RSF1: variants seen among roughly 807,000 people sequenced by gnomAD.
The protein encoded by RSF1 is remodeling and spacing factor 1, also known as HBV pX-associated protein 8.
A neutral mutation model predicts 145.2 loss-of-function variants in RSF1; 13 were observed. The ratio of observed to expected loss-of-function variants is 0.09; its 90% CI spans 0.06 to 0.14. The LOEUF is 0.14. Among genes scored for constraint, RSF1 ranks in the 10% least tolerant of loss-of-function variants. The pLI, the probability that RSF1 is intolerant of heterozygous loss-of-function variation, is 1.00. For missense variants in RSF1, 1,517 were observed against 1,718.2 expected (o/e 0.88, Z 2.07); for synonymous variants, 577 against 592.6 (o/e 0.97, Z 0.38).
chr11:77,732,339 AGTCTC>A lies in RSF1; in HGVS notation c.579-6645_579-6641del, dbSNP rs1334301010. On this transcript the variant is annotated intron_variant, in intron 4 of 15. Coordinates refer to ENST00000308488, the MANE Select transcript of RSF1 (RefSeq NM_016578.4). Reference sequence around the variant, plus strand: ...GCAATTAACTTGCTTTTGATTTTACAGTCTCACAGGAAGAAGGGACTTGCCTTGTC... The same window carrying A: ...GCAATTAACTTGCTTTTGATTTTACAACAGGAAGAAGGGACTTGCCTTGTC... Among the ~76,000 whole-genome samples the A allele has an allele frequency of 2.2e-4, 33 of 152,322 alleles. No homozygotes were observed. The South Asian group carries it at 5.2e-3, about 24-fold the overall frequency.
At chr11:77,740,634 A>G in intron 4 of RSF1, 97 bp downstream of exon 4, 1 of 1,181,712 alleles carries the variant, frequency 8.5e-7, no homozygotes, top group Admixed American at 1.9e-5. Flanking sequence ...TCACACACAA[A>G]AAACCACTTC....
At position 77,699,530 on chromosome 11, in the gene RSF1, A is replaced by C. The variant is rs1253591675; in HGVS notation, c.2509-837T>G. Among the ~76,000 whole-genome samples, 5 of 152,354 alleles carry C rather than the reference A, an allele frequency of 3.3e-5. No homozygotes were observed. The South Asian group carries it at 1.0e-3, about 32-fold the overall frequency. ...AAAAGTAGCACTTTTGATTATGATA[A>C]ATTCCCATAGACTAGCAAAAGACTT... On this transcript the variant is annotated intron_variant, in intron 6 of 15. Coordinates refer to ENST00000308488, the MANE Select transcript of RSF1 (RefSeq NM_016578.4).
intron 1 of RSF1, among the ~76,000 whole-genome samples, chr11:77,767,923 C>T (rs1394754990): frequency 6.6e-6 from 1 of 152,086 alleles, no homozygotes; most frequent in East Asian, 1.9e-4. Flanking sequence ...GTTTTCATCC[C>T]ACTTTACAAA....
the RSF1 span, among the ~76,000 whole-genome samples, chr11:77,843,263 C>A: frequency 6.6e-6 from 1 of 152,140 alleles, no homozygotes; most frequent in Admixed American, 6.5e-5. Flanking sequence ...ATTTGCATTT[C>A]CCTGCATTTC....
chr11:77,775,454 C>A (rs78937933), intron 1 of RSF1, among the ~76,000 whole-genome samples: 3 of 152,248 alleles, frequency 2.0e-5, no homozygotes, highest in East Asian at 3.9e-4. Context: ...GTCTTTTCCC[C>A]GCTTTTCTCT....
At chr11:77,776,109 G>C (rs1948339365) in intron 1 of RSF1, among the ~76,000 whole-genome samples, 1 of 152,040 alleles carries the variant, frequency 6.6e-6, no homozygotes, top group African/African-American at 2.4e-5. Context: ...TAGCTACTTG[G>C]GTTGCTGAGG....
chr11:77,812,935 C>T (rs1365429613), intron 1 of RSF1, among the ~76,000 whole-genome samples: 1 of 150,936 alleles, frequency 6.6e-6, no homozygotes, highest in Non-Finnish European at 1.5e-5. Context: ...GCTTGCTGTG[C>T]CCTCACAACT....
At chr11:77,826,449 A>G in the RSF1 span, among the ~76,000 whole-genome samples, 8 of 152,186 alleles carry the variant, frequency 5.3e-5, no homozygotes, top group African/African-American at 1.9e-4. Flanking sequence ...ATTATTAAAT[A>G]ATTCAGAACA....
chr11:77,716,214 C>A (rs550926698), intron 5 of RSF1, among the ~76,000 whole-genome samples: 2 of 151,758 alleles, frequency 1.3e-5, no homozygotes, highest in African/African-American at 2.4e-5. Flanking sequence ...ACAGTATGGA[C>A]GTTCCTCAAA....
At chr11:77,844,133 C>T in the RSF1 span, among the ~76,000 whole-genome samples, 2 of 152,068 alleles carry the variant, frequency 1.3e-5, no homozygotes, top group Admixed American at 6.6e-5. Flanking sequence ...TTGCAGACAG[C>T]CAACTTCTCT....
Position 77,725,559 on chromosome 11 carries a change from T to C in RSF1, c.719A>G (p.Glu240Gly). 6.4e-7 allele frequency: 1 copy of C among 1,568,420 alleles called. No individual in the cohort carries two copies. Among genetic ancestry groups the C allele is most frequent in the Non-Finnish European group, 8.6e-7 (1 of 1,157,314 alleles). The change falls in exon 5 of 16, where the codon GAA becomes GGA. Residue 240 changes from glutamate to glycine, a missense_variant. Physicochemically the swap from Glu to Gly is moderately conservative, Grantham distance 98. This residue lies in a region of RSF1 where 207 missense variants were observed against 191.4 expected (regional missense o/e 1.08). Transcript: ENST00000308488. ...CAAAAAAAAACCTTGTTTAGGTGTT[T>C]CTTCCTCTTTTTTAGTCTCCTCATC... ...LEDEETKKEE[E>G]TPKQEEQKES...
At chr11:77,697,519 TATATATA>T (rs1207388675) in intron 7 of RSF1, among the ~76,000 whole-genome samples, 2 of 43,204 alleles carry the variant, frequency 4.6e-5, no homozygotes, top group Non-Finnish European at 4.1e-5. Flanking sequence ...AAAATATATT[TATATATA>T]ATATATAATA....
intron 14 of RSF1, among the ~76,000 whole-genome samples, 200 bp downstream of exon 14, chr11:77,674,836 C>A (rs1031061775): frequency 6.6e-6 from 1 of 152,070 alleles, no homozygotes; most frequent in Non-Finnish European, 1.5e-5. Flanking sequence ...TCCCTCTCTA[C>A]TAAAAATACA....
intron 4 of RSF1, chr11:77,734,669 T>C (rs1961294975): frequency 3.5e-6 from 5 of 1,412,372 alleles, no homozygotes; most frequent in Non-Finnish European, 5.0e-6. Flanking sequence ...GTGGCCAATT[T>C]GTGCAGTTCC....
At chr11:77,869,580 G>C in the RSF1 span, 1 of 730,440 alleles carries the variant, frequency 1.4e-6, no homozygotes, top group Non-Finnish European at 2.3e-6. Flanking sequence ...GCCTTCCTAA[G>C]TGCCTTAAAG....
intron 1 of RSF1, among the ~76,000 whole-genome samples, chr11:77,818,369 TA>T (rs1297240910): frequency 1.3e-5 from 2 of 152,204 alleles, no homozygotes; most frequent in Non-Finnish European, 2.9e-5. Context: ...AACAATTTAC[TA>T]GCCATCCTTT....
At chr11:77,704,831 C>T (rs760874874) in intron 5 of RSF1, among the ~76,000 whole-genome samples, 2 of 150,790 alleles carry the variant, frequency 1.3e-5, no homozygotes, top group Non-Finnish European at 1.5e-5. Context: ...CAGCTCACCA[C>T]AACCTCCGTC....
At chr11:77,678,185 T>G in intron 11 of RSF1, 32 bp from the exon 12 acceptor site, 65 of 1,024,674 alleles carry the variant, frequency 6.3e-5, no homozygotes, top group Non-Finnish European at 8.3e-5. Context: ...CATTATAGCC[T>G]GTCCTGGCTT....
intron 5 of RSF1, among the ~76,000 whole-genome samples, chr11:77,722,154 C>T (rs1021764927): frequency 1.3e-5 from 2 of 152,004 alleles, no homozygotes; most frequent in African/African-American, 2.4e-5. Context: ...CACTCCAGCC[C>T]GGGTGACAGA....
Sources: allele counts gnomAD v4.1 joint callset (sites outside exome capture counted in the v4.1 genomes callset), GRCh38; gene constraint gnomAD v4.1.1; regional missense constraint gnomAD v4.1.1; transcripts MANE v1.5; gene names NCBI Gene and HGNC (gene_info 2026-07-23, HGNC 2026-07-21).